The following AUTS2 variants were observed in gnomAD, a reference collection of about 807,000 sequenced individuals.
AUTS2 encodes autism susceptibility gene 2 protein.
A neutral mutation model predicts 112.4 loss-of-function variants in AUTS2; 17 were observed. The ratio of observed to expected loss-of-function variants is 0.15; its 90% CI spans 0.10 to 0.23. The LOEUF (loss-of-function observed/expected upper bound fraction) is 0.23, where lower values mean the gene tolerates loss of function less well. Among genes scored for constraint, AUTS2 ranks in the 10% least tolerant of loss-of-function variants. AUTS2 has a pLI of 1.00. For missense variants in AUTS2, 1,510 were observed against 1,701.6 expected, an observed-to-expected ratio of 0.89 and a Z score of 1.98; for synonymous variants, 751 against 702.7, an observed-to-expected ratio of 1.07 and a Z score of -1.09.
chr7:69,787,235 G>C (rs984652013), intron 1 of AUTS2, among the ~76,000 whole-genome samples: 2 of 152,176 alleles, frequency 1.3e-5, no homozygotes, highest in Non-Finnish European at 2.9e-5. Flanking sequence ...AAGTTTGACT[G>C]GTTTCTCAAA....
chr7:70,105,615 A>C (rs1252300944), intron 2 of AUTS2, among the ~76,000 whole-genome samples: 2 of 152,194 alleles, frequency 1.3e-5, no homozygotes, highest in South Asian at 2.1e-4. Flanking sequence ...ACATGGAGCC[A>C]GTGAGATACT....
intron 1 of AUTS2, among the ~76,000 whole-genome samples, chr7:69,792,823 G>A (rs958826785): frequency 2.6e-5 from 4 of 152,056 alleles, no homozygotes; most frequent in African/African-American, 9.7e-5. Flanking sequence ...GAGACATTTC[G>A]GTTCATTAGG....
intron 1 of AUTS2, among the ~76,000 whole-genome samples, chr7:69,755,583 G>A (rs1787913398): frequency 6.6e-6 from 1 of 152,106 alleles, no homozygotes; most frequent in Non-Finnish European, 1.5e-5. Context: ...GGGAATACTT[G>A]AGGTGTCACA....
intron 5 of AUTS2, among the ~76,000 whole-genome samples, chr7:70,617,846 T>C (rs1216976248): frequency 2.0e-5 from 3 of 152,166 alleles, no homozygotes; most frequent in Admixed American, 6.5e-5. Context: ...TTTGCCTCCT[T>C]CTCTCTGCAC....
At chr7:70,401,288 G>A (rs1020983732) in intron 4 of AUTS2, among the ~76,000 whole-genome samples, 1 of 152,188 alleles carries the variant, frequency 6.6e-6, no homozygotes, top group Admixed American at 6.5e-5. Context: ...AGTTCCCTGA[G>A]ATGTGTGCCA....
At chr7:70,733,549 CA>C (rs747319751) in intron 6 of AUTS2, among the ~76,000 whole-genome samples, 2 of 148,086 alleles carry the variant, frequency 1.4e-5, no homozygotes, top group Non-Finnish European at 3.0e-5. Context: ...CCCCTACCCC[CA>C]CATCTAGATT....
intron 4 of AUTS2, among the ~76,000 whole-genome samples, chr7:70,314,317 A>T (rs571242441): frequency 1.3e-5 from 2 of 152,318 alleles, no homozygotes; most frequent in South Asian, 2.1e-4. Context: ...TCCCTCTATA[A>T]TCTCTTCTCT....
At chr7:70,110,943 C>CTCACTGCAAGCTCCGCCTCCCGGGT (rs1181583807) in intron 2 of AUTS2, among the ~76,000 whole-genome samples, 6 of 146,002 alleles carry the variant, frequency 4.1e-5, no homozygotes, top group Non-Finnish European at 8.9e-5. Context: ...GCGATCTCAG[C>CTCACTGCAAGCTCCGCCTCCCGGGT]TCACTGCAAG....
intron 1 of AUTS2, among the ~76,000 whole-genome samples, chr7:69,886,769 G>GTGTA (rs1424784866): frequency 7.6e-6 from 1 of 131,912 alleles, no homozygotes; most frequent in Non-Finnish European, 1.6e-5. Context: ...TTCTTTGTGT[G>GTGTA]TGTGTGTGTG....
At chr7:69,735,556 A>G (rs1786991826) in intron 1 of AUTS2, among the ~76,000 whole-genome samples, 1 of 152,198 alleles carries the variant, frequency 6.6e-6, no homozygotes, top group South Asian at 2.1e-4. Flanking sequence ...ATCAGTTAAT[A>G]AAAAGAATGG....
intron 6 of AUTS2, among the ~76,000 whole-genome samples, chr7:70,759,860 G>T (rs1267364150): frequency 6.6e-6 from 1 of 152,176 alleles, no homozygotes; most frequent in East Asian, 1.9e-4. Context: ...ACCAGCATAA[G>T]TAAGTGTGAA....
chr7:70,005,772 A>C (rs1799519768), intron 2 of AUTS2, among the ~76,000 whole-genome samples: 1 of 152,194 alleles, frequency 6.6e-6, no homozygotes, highest in Non-Finnish European at 1.5e-5. Flanking sequence ...GAGATTCCCA[A>C]ATGTGATCTG....
At chr7:69,730,842 T>G (rs918239068) in intron 1 of AUTS2, among the ~76,000 whole-genome samples, 1 of 152,168 alleles carries the variant, frequency 6.6e-6, no homozygotes. Flanking sequence ...CTGCAGACAT[T>G]AAGGGTCTGA....
At chr7:70,355,532 C>T (rs567953843) in intron 4 of AUTS2, among the ~76,000 whole-genome samples, 6 of 152,186 alleles carry the variant, frequency 3.9e-5, no homozygotes, top group African/African-American at 1.2e-4. Flanking sequence ...CCTTGTCCAC[C>T]ACTTTCCTGG....
At chr7:70,365,856 C>T (rs1450461547) in intron 4 of AUTS2, among the ~76,000 whole-genome samples, 1 of 152,156 alleles carries the variant, frequency 6.6e-6, no homozygotes, top group Non-Finnish European at 1.5e-5. Flanking sequence ...GATTGGTCTT[C>T]CAGGGCAACC....
chr7:70,243,950 G>A (rs985604871), intron 4 of AUTS2, among the ~76,000 whole-genome samples: 1 of 151,214 alleles, frequency 6.6e-6, no homozygotes, highest in Non-Finnish European at 1.5e-5. Flanking sequence ...AACTATAATA[G>A]TAATACTATT....
chr7:69,799,744 T>C (rs1360034332), intron 1 of AUTS2, among the ~76,000 whole-genome samples: 1 of 152,214 alleles, frequency 6.6e-6, no homozygotes, highest in Non-Finnish European at 1.5e-5. Flanking sequence ...TTTGCTATTG[T>C]GCCTCAGTCT....
intron 4 of AUTS2, among the ~76,000 whole-genome samples, chr7:70,418,970 T>C (rs1027253396): frequency 6.6e-6 from 1 of 152,138 alleles, no homozygotes; most frequent in Non-Finnish European, 1.5e-5. Flanking sequence ...CAGTTTTTAA[T>C]GTATTTTCTC....
At chr7:70,619,473 G>A (rs1390037963) in intron 5 of AUTS2, among the ~76,000 whole-genome samples, 1 of 151,938 alleles carries the variant, frequency 6.6e-6, no homozygotes, top group Non-Finnish European at 1.5e-5. Flanking sequence ...CACCCCAGGA[G>A]AGGAAGAGAG....
Sources: allele counts gnomAD v4.1 joint callset (sites outside exome capture counted in the v4.1 genomes callset), GRCh38; gene constraint gnomAD v4.1.1; transcripts MANE v1.5; gene names NCBI Gene and HGNC (gene_info 2026-07-23, HGNC 2026-07-21).